Variants in SGO2 observed in about 807,000 individuals in gnomAD.
The protein encoded by SGO2 is shugoshin-like 2.
SGO2 carries 68 observed loss-of-function variants against 99.5 expected under a neutral mutation model. That is an observed-to-expected ratio of 0.68 (90% CI 0.56 to 0.84). SGO2 has a LOEUF of 0.84. Ranked by LOEUF, SGO2 falls within the 40% of genes least tolerant of loss-of-function variation. The pLI is 0.00. For synonymous variants in SGO2, 457 were observed against 487.1 expected, an observed-to-expected ratio of 0.94 and a Z score of 0.81; for missense variants, 1,350 against 1,436.7, an observed-to-expected ratio of 0.94 and a Z score of 0.97.
chr2:200,579,550 T>C (rs1230372777), intron 8 of SGO2, among the ~76,000 whole-genome samples: 1 of 152,174 alleles, frequency 6.6e-6, no homozygotes, highest in Non-Finnish European at 1.5e-5. Context: ...TTGATGCCTA[T>C]TGAGTGTTTT....
At position 200,564,328 on chromosome 2, in the gene SGO2, C is replaced by T. The variant is rs547574778; in HGVS notation, c.474-5335C>T. ...TTCATTTCGTTATGTACCCAGTAGT[C>T]ATTCAGGAACAGATTGTTCAGTTTC... On this transcript the variant is annotated intron_variant, in intron 5 of 8. Transcript: ENST00000357799. Among the ~76,000 whole-genome samples, 129 of 152,318 alleles carry T rather than the reference C, an allele frequency of 8.5e-4. 2 individuals are homozygous for T. The highest frequency in any genetic ancestry group is 3.4e-3 in the Middle Eastern group (1 of 294).
In SGO2 at chr2:200,570,090, G is replaced by A. The variant is rs1574875234; in HGVS notation, c.703+198G>A. 4.2e-6 allele frequency: 2 copies of A among 477,058 alleles called. No individual in the cohort carries two copies. The highest frequency in any genetic ancestry group is 7.3e-6 in the Non-Finnish European group (2 of 272,304). 29.6% of individuals were successfully genotyped at this position (477,058 alleles called of 1,614,324 possible). ...TGCTGACAAACATCACACCCACAGTGGCCTAATACTGTTACTCTGGAAGAA... is the reference window on the plus strand; with the variant it reads ...TGCTGACAAACATCACACCCACAGTAGCCTAATACTGTTACTCTGGAAGAA... On this transcript the variant is annotated intron_variant, in intron 6 of 8. Transcript: ENST00000357799. The surrounding 1 kb of genome is among the most constrained non-coding windows in gnomAD (Gnocchi z 4.4).
At chr2:200,551,652 T>C (rs1559206389) in intron 5 of SGO2, among the ~76,000 whole-genome samples, 3 of 152,198 alleles carry the variant, frequency 2.0e-5, no homozygotes, top group East Asian at 1.9e-4. Flanking sequence ...ATATATTCAG[T>C]CTACTTAAGA....
In SGO2 at chr2:200,570,765, G is replaced by A. The variant is rs980821926; in HGVS notation, c.704-285G>A. On this transcript the variant is annotated intron_variant, in intron 6 of 8. Transcript: ENST00000357799. The surrounding 1 kb of genome is among the most constrained non-coding windows in gnomAD (Gnocchi z 4.4). The stretch of plus-strand genomic sequence containing the variant: ...GCCTCCTTTCACTCTAGAAATGTAT[G>A]CTAATGGTTCTACTGTTGGCTGTAC... Among the ~76,000 whole-genome samples the A allele has an allele frequency of 5.9e-5, 9 of 151,804 alleles. No individual in the cohort carries two copies. The highest frequency in any genetic ancestry group is 1.2e-4 in the Non-Finnish European group (8 of 67,890).
At chr2:200,552,256 G>A (rs542416682) in intron 5 of SGO2, among the ~76,000 whole-genome samples, 4 of 152,132 alleles carry the variant, frequency 2.6e-5, no homozygotes, top group Non-Finnish European at 5.9e-5. Flanking sequence ...GTCTTGCTAT[G>A]TTGTCCAGGC....
chr2:200,552,219 T>A (rs2032520066), intron 5 of SGO2, among the ~76,000 whole-genome samples: 2 of 152,198 alleles, frequency 1.3e-5, no homozygotes. Flanking sequence ...TATAGATACT[T>A]TTTTAAAATA....
chr2:200,544,568 C>A (rs66897439), intron 5 of SGO2, among the ~76,000 whole-genome samples: 46,184 of 152,108 alleles, frequency 0.3, 7,410 homozygotes, highest in Non-Finnish European at 0.36. Flanking sequence ...AAGCATGAGC[C>A]ACCACACCTG....
At chr2:200,557,383 C>A (rs1041711560) in intron 5 of SGO2, among the ~76,000 whole-genome samples, 2 of 152,128 alleles carry the variant, frequency 1.3e-5, no homozygotes, top group Non-Finnish European at 2.9e-5. Flanking sequence ...GGCACCCCAC[C>A]ACTTACCCAA....
intron 4 of SGO2, among the ~76,000 whole-genome samples, chr2:200,541,160 C>T (rs1324559903): frequency 6.6e-6 from 1 of 152,204 alleles, no homozygotes; most frequent in Non-Finnish European, 1.5e-5. Context: ...GGTCCTGCCT[C>T]TTAATACCAT....
At position 200,533,032 on chromosome 2, in the gene SGO2, T is replaced by C. The variant is rs1472140386; in HGVS notation, c.57T>C (p.His19=). The change falls in exon 2 of 9, where the codon CAT becomes CAC. Residue 19 remains histidine, a synonymous_variant. Transcript: ENST00000357799. ...TTTTTACCTCAGGAATTAAGAGACA[T>C]TTGAAAGACAAAAGAATTTCAAAGA... The part of the protein sequence containing the change: ...GSLFTSGIKR[H]LKDKRISKTT... 6.2e-7 allele frequency: 1 copy of C among 1,608,550 alleles called. No homozygotes were observed.
intron 2 of SGO2, among the ~76,000 whole-genome samples, chr2:200,533,688 C>T (rs947601503): frequency 8.6e-5 from 13 of 151,916 alleles, no homozygotes; most frequent in African/African-American, 2.4e-4. Flanking sequence ...ATTTTCATTA[C>T]TTCTGAAAAT....
intron 5 of SGO2, among the ~76,000 whole-genome samples, chr2:200,556,460 A>G (rs2032723562): frequency 6.6e-6 from 1 of 152,228 alleles, no homozygotes; most frequent in South Asian, 2.1e-4. Flanking sequence ...TCATATGTAC[A>G]TGATATTTTC....
intron 8 of SGO2, among the ~76,000 whole-genome samples, chr2:200,580,231 T>G (rs996315140): frequency 1.3e-5 from 2 of 152,186 alleles, no homozygotes; most frequent in Admixed American, 6.5e-5. Flanking sequence ...AAAGTATCTT[T>G]TATGAATTAG....
At position 200,570,536 on chromosome 2, in the gene SGO2, TACAC is replaced by T. The variant is rs894295839; in HGVS notation, c.704-506_704-503del. ...GGCATATGTATATGTATATAATATA[TACAC>T]ACACACATATATACACACATATATA... On this transcript the variant is annotated intron_variant, in intron 6 of 8. Transcript: ENST00000357799. This position sits in a 1 kb window ranked among gnomAD's most constrained non-coding sequence, Gnocchi z 4.4. Among the ~76,000 whole-genome samples, 7 of 142,672 alleles carry T rather than the reference TACAC, an allele frequency of 4.9e-5. No homozygotes were observed. Among genetic ancestry groups the T allele is most frequent in the East Asian group, 4.2e-4 (2 of 4,772 alleles). 93.6% of individuals were successfully genotyped at this position (142,672 alleles called of 152,430 possible).
At chr2:200,529,747 C>T (rs1033511207) in intron 1 of SGO2, among the ~76,000 whole-genome samples, 2 of 152,072 alleles carry the variant, frequency 1.3e-5, no homozygotes, top group Admixed American at 6.5e-5. Context: ...GGGCTGGTCT[C>T]GAACTCCTGA....
At chr2:200,527,013 A>G (rs1476717641) in intron 1 of SGO2, among the ~76,000 whole-genome samples, 25 of 152,200 alleles carry the variant, frequency 1.6e-4, no homozygotes. Flanking sequence ...TGTTGAGATC[A>G]CATAGCTATG....
At chr2:200,567,308 G>A (rs2033228803) in intron 5 of SGO2, among the ~76,000 whole-genome samples, 1 of 152,134 alleles carries the variant, frequency 6.6e-6, no homozygotes. Flanking sequence ...CTAGAGGTGT[G>A]TCAGTTTTAT....
intron 8 of SGO2, among the ~76,000 whole-genome samples, chr2:200,575,924 A>G (rs2033640070): frequency 6.6e-6 from 1 of 152,106 alleles, no homozygotes; most frequent in East Asian, 1.9e-4. Context: ...CCCTCCTCCA[A>G]TTTATCCATT....
intron 1 of SGO2, among the ~76,000 whole-genome samples, chr2:200,530,473 A>G (rs1427861964): frequency 2.6e-5 from 4 of 152,236 alleles, no homozygotes; most frequent in African/African-American, 9.6e-5. Flanking sequence ...TGGATACATG[A>G]ATCCAGTGTT....
Sources: gnomAD v4.1 joint callset for allele counts (sites outside exome capture counted in the v4.1 genomes callset) on GRCh38, gnomAD v4.1.1 for gene constraint, Gnocchi (gnomAD v3.1) non-coding constraint, MANE v1.5 for transcripts, NCBI Gene and HGNC (gene_info 2026-07-23, HGNC 2026-07-21) for gene names.